Variants in GPATCH2 observed in about 807,000 individuals in gnomAD.
The protein encoded by GPATCH2 is G-patch domain containing 2, also known as G patch domain-containing protein 2.
A neutral mutation model predicts 58.0 loss-of-function variants in GPATCH2; 51 were observed. The observed-to-expected ratio is 0.88, with a 90% CI of 0.70 to 1.11. GPATCH2 has a LOEUF of 1.11. Ranked by LOEUF, GPATCH2 falls within the 50% of genes most tolerant of loss-of-function variation. The pLI, the probability that GPATCH2 is intolerant of heterozygous loss-of-function variation, is 0.00. For missense variants in GPATCH2, 625 were observed against 652.2 expected (o/e 0.96, Z 0.45); for synonymous variants, 222 against 218.5 (o/e 1.02, Z -0.14).
chr1:217,442,974 T>TC (rs1184665348), intron 9 of GPATCH2, among the ~76,000 whole-genome samples: 1 of 152,212 alleles, frequency 6.6e-6, no homozygotes, highest in African/African-American at 2.4e-5. Flanking sequence ...ATGCAATATT[T>TC]CTATCCTTTT....
rs1658381693 is a variant in GPATCH2 at position 217,427,560 on chromosome 1, T to A, written c.*3585A>T. The A allele has an allele frequency of 6.6e-6, 1 of 152,122 alleles. No homozygotes were observed. Among genetic ancestry groups the A allele is most frequent in the Admixed American group, 6.5e-5 (1 of 15,268 alleles). The allele number at this position is 152,122 out of a possible 1,614,324, so 9.4% of individuals were successfully genotyped here. On this transcript the variant is annotated 3_prime_UTR_variant, in exon 10 of 10. Coordinates refer to ENST00000366935, the MANE Select transcript of GPATCH2 (RefSeq NM_018040.5). ...TTAAACATTATGTTTTATTCTTTGATTCTTTGTTGTACTATTAACATGACT... is the reference window on the plus strand; with the variant it reads ...TTAAACATTATGTTTTATTCTTTGAATCTTTGTTGTACTATTAACATGACT...
intron 5 of GPATCH2, among the ~76,000 whole-genome samples, chr1:217,596,461 A>G (rs1382420232): frequency 6.6e-6 from 1 of 152,186 alleles, no homozygotes; most frequent in Non-Finnish European, 1.5e-5. Context: ...TATAAGATGG[A>G]GAGGAGATAA....
chr1:217,544,992 A>G (rs1292172902), intron 5 of GPATCH2, among the ~76,000 whole-genome samples: 1 of 152,028 alleles, frequency 6.6e-6, no homozygotes. Context: ...TCAATCCATC[A>G]GCCCCTCTCC....
chr1:217,594,608 CAA>C (rs2102775411), intron 5 of GPATCH2, among the ~76,000 whole-genome samples: 1 of 152,162 alleles, frequency 6.6e-6, no homozygotes, highest in Admixed American at 6.5e-5. Flanking sequence ...GTAATTCACT[CAA>C]GACACAGTGA....
rs555237794 is a variant in GPATCH2, at chr1:217,503,908, C to T, written c.1167-5513G>A. On this transcript the variant is annotated intron_variant, in intron 6 of 9. Transcript: ENST00000366935. ...AAGGCAATTTAATCCTTAAACTACTCTAGGGACAGTTATTATTACCATTCT... is the reference window on the plus strand; with the variant it reads ...AAGGCAATTTAATCCTTAAACTACTTTAGGGACAGTTATTATTACCATTCT... 2.0e-5 allele frequency among the ~76,000 whole-genome samples: 3 copies of T among 152,238 alleles called. No homozygotes were observed. The South Asian group carries it at 6.2e-4, about 32-fold the overall frequency.
intron 6 of GPATCH2, among the ~76,000 whole-genome samples, chr1:217,511,072 G>A (rs979098797): frequency 6.6e-6 from 1 of 152,092 alleles, no homozygotes; most frequent in Non-Finnish European, 1.5e-5. Context: ...ACTCCAGCCT[G>A]GGTGACAGAG....
chr1:217,552,783 GA>G (rs1202358665), intron 5 of GPATCH2, among the ~76,000 whole-genome samples: 1 of 151,998 alleles, frequency 6.6e-6, no homozygotes, highest in Non-Finnish European at 1.5e-5. Context: ...TCAAGACACT[GA>G]AATGCAAAAA....
intron 5 of GPATCH2, among the ~76,000 whole-genome samples, chr1:217,586,504 C>T (rs1314467011): frequency 6.6e-6 from 1 of 152,110 alleles, no homozygotes; most frequent in African/African-American, 2.4e-5. Context: ...TCTTCAGGGG[C>T]AATAACACAC....
chr1:217,551,679 A>AT (rs1665371129), intron 5 of GPATCH2, among the ~76,000 whole-genome samples: 1 of 151,646 alleles, frequency 6.6e-6, no homozygotes. Flanking sequence ...GTATCTGAAT[A>AT]TTTTTTTAAA....
intron 8 of GPATCH2, among the ~76,000 whole-genome samples, chr1:217,482,317 GA>G (rs936365920): frequency 6.6e-6 from 1 of 152,168 alleles, no homozygotes; most frequent in Non-Finnish European, 1.5e-5. Context: ...TTAAAAAGAG[GA>G]AAAATAGAGA....
At chr1:217,620,771 G>A (rs1669146369) in intron 1 of GPATCH2, among the ~76,000 whole-genome samples, 2 of 152,100 alleles carry the variant, frequency 1.3e-5, no homozygotes, top group Admixed American at 6.5e-5. Context: ...ATATTTTTCT[G>A]TATAATTATG....
intron 8 of GPATCH2, among the ~76,000 whole-genome samples, chr1:217,454,418 T>C (rs2102477126): frequency 6.6e-6 from 1 of 151,664 alleles, no homozygotes; most frequent in South Asian, 2.1e-4. Context: ...TGAAACCCCG[T>C]TTCTACTAAA....
At chr1:217,510,825 G>C (rs183067021) in intron 6 of GPATCH2, among the ~76,000 whole-genome samples, 1 of 152,256 alleles carries the variant, frequency 6.6e-6, no homozygotes, top group African/African-American at 2.4e-5. Context: ...AGGTGCAGTG[G>C]CTCACATCTG....
At chr1:217,573,892 T>G (rs1666683906) in intron 5 of GPATCH2, among the ~76,000 whole-genome samples, 1 of 152,244 alleles carries the variant, frequency 6.6e-6, no homozygotes, top group Non-Finnish European at 1.5e-5. Context: ...ATGTTAATGA[T>G]CTGATTCTAT....
intron 5 of GPATCH2, among the ~76,000 whole-genome samples, chr1:217,581,011 G>C (rs1292609493): frequency 3.7e-5 from 1 of 27,054 alleles, no homozygotes; most frequent in African/African-American, 1.2e-4. Context: ...GCGAGACTCC[G>C]TCTCAAAAAA....
At chr1:217,618,524 A>T (rs1471307475) in intron 2 of GPATCH2, among the ~76,000 whole-genome samples, 1 of 152,154 alleles carries the variant, frequency 6.6e-6, no homozygotes, top group African/African-American at 2.4e-5. Flanking sequence ...TTTTAATGTA[A>T]GTAATTTTTA....
At chr1:217,497,152 T>G (rs991497828) in intron 7 of GPATCH2, among the ~76,000 whole-genome samples, 6 of 152,146 alleles carry the variant, frequency 3.9e-5, no homozygotes, top group Non-Finnish European at 5.9e-5. Context: ...TAAAATTGTA[T>G]TTTCAGATAA....
intron 5 of GPATCH2, among the ~76,000 whole-genome samples, chr1:217,565,389 A>G (rs1178735903): frequency 2.0e-5 from 3 of 152,236 alleles, no homozygotes; most frequent in Admixed American, 1.3e-4. Context: ...CAATTTTTTA[A>G]AATAAACAGT....
In GPATCH2 at chr1:217,428,845, G is replaced by C. The variant is rs1338392791; in HGVS notation, c.*2300C>G. The C allele has an allele frequency of 1.3e-5, 2 of 152,106 alleles. No individual in the cohort carries two copies. Among genetic ancestry groups the C allele is most frequent in the Non-Finnish European group, 1.5e-5 (1 of 68,024 alleles). The allele number at this position is 152,106 out of a possible 1,614,324, so 9.4% of individuals were successfully genotyped here. A position where few individuals can be genotyped will look rare whatever the true frequency, so the allele number is the denominator to read the frequency against. On this transcript the variant is annotated 3_prime_UTR_variant, in exon 10 of 10. Transcript: ENST00000366935. ...AGAAGATTTGTACCTGTCCAGAACA[G>C]CAACAATAAAGAGCACTCATAAGGA...
Sources: gnomAD v4.1 joint callset for allele counts (sites outside exome capture counted in the v4.1 genomes callset) on GRCh38, gnomAD v4.1.1 for gene constraint, MANE v1.5 for transcripts, NCBI Gene and HGNC (gene_info 2026-07-23, HGNC 2026-07-21) for gene names.